TENM1: variants seen among roughly 807,000 people sequenced by gnomAD.
TENM1 encodes the protein teneurin-1.
TENM1 carries 35 observed loss-of-function variants against 174.8 expected under a neutral mutation model. That is an observed-to-expected ratio of 0.20 (90% CI 0.15 to 0.27). TENM1 has a LOEUF of 0.27. Among genes scored for constraint, TENM1 ranks in the 10% least tolerant of loss-of-function variants. The pLI, the probability that TENM1 is intolerant of heterozygous loss-of-function variation, is 1.00. For synonymous variants in TENM1, 781 were observed against 798.7 expected (o/e 0.98, Z 0.37); for missense variants, 1,633 against 2,130.1 (o/e 0.77, Z 4.59).
chrX:124,570,551 A>G (rs2858432), intron 11 of TENM1, among the ~76,000 whole-genome samples: 23,335 of 110,664 alleles, frequency 0.21, 1,809 homozygotes, highest in South Asian at 0.42. Flanking sequence ...TTGCTTTCAC[A>G]TTTGAAAATT....
At chrX:125,066,705 GA>G in the TENM1 span, among the ~76,000 whole-genome samples, 2 of 111,390 alleles carry the variant, frequency 1.8e-5, no homozygotes, top group Admixed American at 1.9e-4. Context: ...AACAAAACAT[GA>G]AAACAAATTA....
intron 4 of TENM1, among the ~76,000 whole-genome samples, chrX:124,710,943 G>A (rs745566812): frequency 1.3e-4 from 15 of 112,205 alleles, no homozygotes; most frequent in Admixed American, 1.3e-3. Flanking sequence ...AATGCTCAGT[G>A]CTAGATGTTA....
chrX:125,005,407 T>TTGTGTGTG, the TENM1 span, among the ~76,000 whole-genome samples: 92 of 89,490 alleles, frequency 1.0e-3, no homozygotes, highest in Middle Eastern at 5.8e-3. Flanking sequence ...CCTGACTTGG[T>TTGTGTGTG]TGTGTGTGTG....
At chrX:124,452,969 C>A (rs368630392) in intron 23 of TENM1, among the ~76,000 whole-genome samples, 2 of 109,929 alleles carry the variant, frequency 1.8e-5, no homozygotes, top group South Asian at 8.0e-4. Flanking sequence ...ATGTAACTAA[C>A]CTGCACATTG....
At chrX:124,773,785 T>A (rs749590395) in intron 3 of TENM1, among the ~76,000 whole-genome samples, 2 of 111,773 alleles carry the variant, frequency 1.8e-5, no homozygotes, top group South Asian at 3.8e-4. Context: ...CACAAAGGGA[T>A]AACAAAGAAG....
intron 3 of TENM1, among the ~76,000 whole-genome samples, chrX:124,742,990 T>A (rs2148562183): frequency 9.0e-6 from 1 of 111,668 alleles, no homozygotes; most frequent in African/African-American, 3.2e-5. Flanking sequence ...GATATTTTCT[T>A]ATTAATATTA....
At chrX:124,868,528 A>T (rs1285078760) in intron 3 of TENM1, among the ~76,000 whole-genome samples, 1 of 111,669 alleles carries the variant, frequency 9.0e-6, no homozygotes, top group Non-Finnish European at 1.9e-5. Context: ...CGAAACTACT[A>T]CAAGAAAACA....
intron 3 of TENM1, among the ~76,000 whole-genome samples, chrX:124,788,229 G>GA (rs2055088677): frequency 9.0e-6 from 1 of 110,797 alleles, no homozygotes; most frequent in South Asian, 3.9e-4. Context: ...AAACTAGCAG[G>GA]AAAGACCCAT....
chrX:124,909,018 T>C (rs972959899), intron 1 of TENM1, among the ~76,000 whole-genome samples: 14 of 111,086 alleles, frequency 1.3e-4, no homozygotes, highest in African/African-American at 4.6e-4. Flanking sequence ...GCCACCATGC[T>C]TGGCTAATTT....
the TENM1 span, among the ~76,000 whole-genome samples, chrX:125,103,465 G>A: frequency 3.6e-5 from 4 of 110,890 alleles, no homozygotes; most frequent in South Asian, 3.9e-4. Flanking sequence ...TTGGGCTCAC[G>A]GTGTGATTTT....
intron 3 of TENM1, among the ~76,000 whole-genome samples, chrX:124,750,049 G>A (rs1157756488): frequency 8.9e-6 from 1 of 111,871 alleles, no homozygotes; most frequent in East Asian, 2.8e-4. Flanking sequence ...AGAATTCAGT[G>A]ATGACTTACA....
At chrX:124,982,216 A>C in the TENM1 span, among the ~76,000 whole-genome samples, 3 of 47,460 alleles carry the variant, frequency 6.3e-5, 1 homozygote, top group Admixed American at 5.4e-4. Flanking sequence ...AAATGTACTA[A>C]GTAGTTTTTG....
chrX:124,550,664 T>C (rs1210766532), intron 14 of TENM1, among the ~76,000 whole-genome samples: 1 of 112,163 alleles, frequency 8.9e-6, no homozygotes, highest in Non-Finnish European at 1.9e-5. Context: ...GCTGTAGGAC[T>C]TCCAAGTGCA....
chrX:125,027,986 G>A, the TENM1 span, among the ~76,000 whole-genome samples: 3 of 111,614 alleles, frequency 2.7e-5, no homozygotes, highest in Admixed American at 1.9e-4. Context: ...CGGATATAGA[G>A]AATTAGGAAT....
the TENM1 span, among the ~76,000 whole-genome samples, chrX:125,077,875 C>T: frequency 2.7e-5 from 3 of 111,724 alleles, no homozygotes; most frequent in African/African-American, 9.7e-5. Flanking sequence ...TCTTTCTGTT[C>T]TGGACCACTG....
chrX:125,202,492 A>G, the TENM1 span, among the ~76,000 whole-genome samples: 1 of 112,073 alleles, frequency 8.9e-6, no homozygotes, highest in East Asian at 2.8e-4. Flanking sequence ...TTGGTATCCC[A>G]GGAAAACAAC....
chrX:125,199,477 C>CG, the TENM1 span, among the ~76,000 whole-genome samples: 2 of 112,003 alleles, frequency 1.8e-5, no homozygotes, highest in Non-Finnish European at 3.8e-5. Flanking sequence ...TAGAATAGAG[C>CG]GGGGGTGGAG....
intron 5 of TENM1, chrX:124,688,540 C>T (rs2052432294): frequency 1.5e-5 from 2 of 129,362 alleles, no homozygotes; most frequent in Non-Finnish European, 3.2e-5. Context: ...GGGAAGAACC[C>T]ACAGGTCTAA....
intron 3 of TENM1, among the ~76,000 whole-genome samples, chrX:124,739,919 C>T (rs1288483784): frequency 8.9e-6 from 1 of 112,258 alleles, no homozygotes; most frequent in Non-Finnish European, 1.9e-5. Context: ...CTTTGGCTCT[C>T]ATTCTGATGT....
Sources: gnomAD v4.1 joint callset for allele counts (sites outside exome capture counted in the v4.1 genomes callset) on GRCh38, gnomAD v4.1.1 for gene constraint, MANE v1.5 for transcripts, NCBI Gene and HGNC (gene_info 2026-07-23, HGNC 2026-07-21) for gene names.